Variants in SSH2 observed in about 807,000 individuals in gnomAD.
SSH2 encodes the protein protein phosphatase Slingshot homolog 2.
Under a neutral mutation model 135.2 loss-of-function variants are expected in SSH2, and 37 were observed. The ratio of observed to expected loss-of-function variants is 0.27; its 90% CI spans 0.21 to 0.36. The LOEUF (loss-of-function observed/expected upper bound fraction) is 0.36. Ranked by LOEUF, SSH2 falls within the 10% of genes least tolerant of loss-of-function variation. The pLI is 1.00. For synonymous variants in SSH2, 628 were observed against 646.2 expected (o/e 0.97, Z 0.43); for missense variants, 1,408 against 1,765.3 (o/e 0.80, Z 3.63).
At chr17:29,897,385 C>A (rs1011735793) in intron 1 of SSH2, among the ~76,000 whole-genome samples, 1 of 151,934 alleles carries the variant, frequency 6.6e-6, no homozygotes, top group African/African-American at 2.4e-5. Context: ...TTCAGGAAAC[C>A]CAACTCATAT....
At chr17:29,754,333 T>C (rs1376228047) in intron 3 of SSH2, among the ~76,000 whole-genome samples, 29 of 152,180 alleles carry the variant, frequency 1.9e-4, no homozygotes, top group Admixed American at 1.9e-3. Context: ...GTGAAACCCC[T>C]TGTACAACTA....
intron 6 of SSH2, among the ~76,000 whole-genome samples, chr17:29,683,654 G>A (rs2038080503): frequency 1.3e-5 from 2 of 152,102 alleles, no homozygotes; most frequent in African/African-American, 4.8e-5. Flanking sequence ...TAGGCCAGGT[G>A]CAAGGCTCAT....
At position 29,632,682 on chromosome 17, in the gene SSH2, T is replaced by C. The variant is rs1288479053; in HGVS notation, c.2512A>G (p.Thr838Ala). 6.2e-7 allele frequency: 1 copy of C among 1,614,042 alleles called. No homozygotes were observed. The highest frequency in any genetic ancestry group is 2.2e-5 in the East Asian group (1 of 44,892). ...TCTTTGGCTAGTTCAGGCTGGGCTG[T>C]GCAGGAGTCCTCATCTTGCTCCATA... ...GHMEQDEDSCTAQPELAKDSG... is the reference protein window; with the variant it reads ...GHMEQDEDSCAAQPELAKDSG... The change falls in exon 16 of 16, where the codon ACA (threonine) becomes GCA (alanine). Residue 838 changes from threonine (T) to alanine (A), a missense_variant. Physicochemically the swap from Thr to Ala is moderately conservative, Grantham distance 58 (BLOSUM62 0). This residue lies in a region of SSH2 where 1,080 missense variants were observed against 1,144.5 expected (regional missense o/e 0.94). Transcript: ENST00000540801.
At position 29,767,629 on chromosome 17, in the gene SSH2, G is replaced by GCACA. The variant is rs35751093; in HGVS notation, c.188+26261_188+26264dup. 5.6e-3 allele frequency among the ~76,000 whole-genome samples: 826 copies of GCACA among 147,560 alleles called. 1 individual carries two copies. The highest frequency in any genetic ancestry group is 0.014 in the South Asian group (67 of 4,662). On this transcript the variant is annotated intron_variant, in intron 3 of 15. Transcript: ENST00000540801. ...TTAAGAAGCATACATGCACACACAC[G>GCACA]CACACACACACACACACACACAGAA... is the stretch of plus-strand genomic sequence containing the variant.
Position 29,765,210 on chromosome 17 carries a change from G to A in SSH2, c.188+28684C>T, listed in dbSNP as rs78023977. Among the ~76,000 whole-genome samples the A allele has an allele frequency of 2.0e-3, 302 of 152,298 alleles. 1 individual carries two copies. The highest frequency in any genetic ancestry group is 7.0e-3 in the African/African-American group (292 of 41,554). On this transcript the variant is annotated intron_variant, in intron 3 of 15. Transcript: ENST00000540801. ...TCCTTCTGGAGAATCCTGAGAAAAT[G>A]TATCTAATCCAGTTAAGATAAACAG... is the stretch of plus-strand genomic sequence containing the variant.
At position 29,648,353 on chromosome 17, in the gene SSH2, G is replaced by A. The variant is rs1376329494; in HGVS notation, c.1227-9C>T. ...ATTTAGATCCATGTTTCCTTGTTTGGGGGATTGAGGTAAAGAATAGAGGAA... is the reference window on the plus strand; with the variant it reads ...ATTTAGATCCATGTTTCCTTGTTTGAGGGATTGAGGTAAAGAATAGAGGAA... On this transcript the variant is annotated splice_polypyrimidine_tract_variant and intron_variant, in intron 13 of 15. Transcript: ENST00000540801. The A allele has an allele frequency of 6.3e-7, 1 of 1,593,656 alleles. No individual in the cohort carries two copies. The highest frequency in any genetic ancestry group is 1.3e-5 in the African/African-American group (1 of 74,082).
At chr17:29,738,550 A>ATTTTCTTTTTTTTTTTTTTTTT (rs1567933036) in intron 3 of SSH2, among the ~76,000 whole-genome samples, 2 of 137,436 alleles carry the variant, frequency 1.5e-5, no homozygotes, top group Non-Finnish European at 3.2e-5. Context: ...TTTCTTTTTT[A>ATTTTCTTTTTTTTTTTTTTTTT]TTTTATTTTA....
At chr17:29,733,256 T>C (rs2040257386) in intron 3 of SSH2, among the ~76,000 whole-genome samples, 1 of 152,118 alleles carries the variant, frequency 6.6e-6, no homozygotes, top group South Asian at 2.1e-4. Flanking sequence ...CTAATAAAGA[T>C]TGTGTTGAAG....
chr17:29,734,099 C>T (rs373767624), intron 3 of SSH2, among the ~76,000 whole-genome samples: 4 of 151,684 alleles, frequency 2.6e-5, no homozygotes, highest in Non-Finnish European at 2.9e-5. Context: ...TTGTATTAGT[C>T]GGAGATGGTG....
At chr17:29,913,347 A>ATATAT (rs1429739888) in intron 1 of SSH2, among the ~76,000 whole-genome samples, 28 of 28,782 alleles carry the variant, frequency 9.7e-4, no homozygotes, top group Non-Finnish European at 1.4e-3. Flanking sequence ...AAAAAAAAAA[A>ATATAT]ATATATATAT....
intron 1 of SSH2, among the ~76,000 whole-genome samples, chr17:29,854,670 G>A (rs182259222): frequency 1.1e-4 from 16 of 151,652 alleles, no homozygotes; most frequent in Admixed American, 7.2e-4. Flanking sequence ...ACAAGAGGCC[G>A]GGCACGGTGG....
chr17:29,730,569 G>A (rs932273526), intron 3 of SSH2, among the ~76,000 whole-genome samples: 1 of 151,392 alleles, frequency 6.6e-6, no homozygotes, highest in Non-Finnish European at 1.5e-5. Context: ...CCAAGTAATT[G>A]GGACTACAGA....
At chr17:29,871,000 C>CTGAAGCAGTACTAAGACTTTT (rs2065929006) in intron 1 of SSH2, among the ~76,000 whole-genome samples, 1 of 152,146 alleles carries the variant, frequency 6.6e-6, no homozygotes. Context: ...ACAGGGCCAA[C>CTGAAGCAGTACTAAGACTTTT]TGAAGCAGTA....
intron 3 of SSH2, among the ~76,000 whole-genome samples, chr17:29,735,983 G>A (rs1331824988): frequency 1.3e-5 from 2 of 151,624 alleles, no homozygotes; most frequent in Non-Finnish European, 2.9e-5. Flanking sequence ...TGTAATCCTA[G>A]CTACCTGTGA....
chr17:29,635,474 G>A (rs150239080), intron 15 of SSH2, among the ~76,000 whole-genome samples: 85 of 151,710 alleles, frequency 5.6e-4, no homozygotes, highest in Non-Finnish European at 1.0e-3. Flanking sequence ...GCACAATCTC[G>A]GCTCACTGCA....
intron 2 of SSH2, among the ~76,000 whole-genome samples, chr17:29,811,941 G>T (rs1169196056): frequency 6.6e-6 from 1 of 151,786 alleles, no homozygotes; most frequent in Non-Finnish European, 1.5e-5. Context: ...ATTTTCTATC[G>T]ACTATTTTAA....
chr17:29,900,754 T>A (rs904047411), intron 1 of SSH2, among the ~76,000 whole-genome samples: 1 of 152,136 alleles, frequency 6.6e-6, no homozygotes, highest in African/African-American at 2.4e-5. Context: ...AGAAATACCA[T>A]TTGACCCAGC....
chr17:29,789,518 T>A (rs2042027980), intron 3 of SSH2, among the ~76,000 whole-genome samples: 1 of 152,002 alleles, frequency 6.6e-6, no homozygotes, highest in Admixed American at 6.6e-5. Flanking sequence ...GGAAGAAGGA[T>A]CCCCCCAAAG....
rs1313550530 is a variant in SSH2, at chr17:29,667,233, G to C, written c.810-10C>G. On this transcript the variant is annotated splice_polypyrimidine_tract_variant and intron_variant, in intron 9 of 15. Transcript: ENST00000540801. ...TTCACGTTCAGTAGGTCTGAGAAGA[G>C]AGAAATAACGATTATTCTTAAACGA... 3.4e-6 allele frequency: 5 copies of C among 1,489,144 alleles called. No homozygotes were observed. Among genetic ancestry groups the C allele is most frequent in the African/African-American group, 1.4e-5 (1 of 71,608 alleles). 92.2% of individuals were successfully genotyped at this position (1,489,144 alleles called of 1,614,324 possible). A position where few individuals can be genotyped will look rare whatever the true frequency, so the allele number is the denominator to read the frequency against.
Sources: allele counts gnomAD v4.1 joint callset (sites outside exome capture counted in the v4.1 genomes callset), GRCh38; gene constraint gnomAD v4.1.1; regional missense constraint gnomAD v4.1.1; transcripts MANE v1.5; gene names NCBI Gene and HGNC (gene_info 2026-07-23, HGNC 2026-07-21).